Variants in STAB2 observed in about 807,000 individuals in gnomAD.
The protein encoded by STAB2 is stabilin-2.
STAB2 carries 288 observed loss-of-function variants against 338.1 expected under a neutral mutation model. The ratio of observed to expected loss-of-function variants is 0.85; its 90% CI spans 0.77 to 0.94. The LOEUF is 0.94. Ranked by LOEUF, STAB2 falls within the 40% of genes least tolerant of loss-of-function variation. The probability of loss-of-function intolerance (pLI) is 0.00; values close to 1 mark genes in which losing one functional copy is unlikely to be tolerated. For missense variants in STAB2, 3,141 were observed against 3,210.1 expected, an observed-to-expected ratio of 0.98 and a Z score of 0.52; for synonymous variants, 1,202 against 1,193.3, an observed-to-expected ratio of 1.01 and a Z score of -0.15.
At chr12:103,727,423 C>T in intron 47 of STAB2, 73 bp downstream of exon 47, 1 of 1,516,862 alleles carries the variant, frequency 6.6e-7, no homozygotes, top group Non-Finnish European at 9.2e-7. Flanking sequence ...GCCCTGGAAC[C>T]AAGACTGGAG....
chr12:103,662,630 G>C (rs545664205), intron 17 of STAB2, among the ~76,000 whole-genome samples: 1 of 152,082 alleles, frequency 6.6e-6, no homozygotes, highest in Admixed American at 6.5e-5. Flanking sequence ...TTTCTACAAG[G>C]GCATCCTTGC....
At chr12:103,627,932 C>T (rs1473830109) in intron 5 of STAB2, among the ~76,000 whole-genome samples, 4 of 152,296 alleles carry the variant, frequency 2.6e-5, no homozygotes, top group Admixed American at 1.3e-4. Flanking sequence ...CAATTACTGA[C>T]ATGTTGTATA....
At chr12:103,633,707 T>G (rs1215934479) in intron 6 of STAB2, among the ~76,000 whole-genome samples, 1 of 152,118 alleles carries the variant, frequency 6.6e-6, no homozygotes. Context: ...AAACCAGCAA[T>G]AAACATGAAA....
At chr12:103,705,373 T>C (rs531052672) in intron 36 of STAB2, among the ~76,000 whole-genome samples, 120 of 152,356 alleles carry the variant, frequency 7.9e-4, no homozygotes, top group African/African-American at 2.8e-3. Flanking sequence ...CAAACTTAAG[T>C]TGATATTCTA....
intron 8 of STAB2, among the ~76,000 whole-genome samples, chr12:103,639,860 A>G (rs1465042192): frequency 1.3e-5 from 2 of 152,160 alleles, no homozygotes; most frequent in African/African-American, 2.4e-5. Context: ...ACTGGGACTT[A>G]TGGAGCTAGG....
intron 57 of STAB2, among the ~76,000 whole-genome samples, chr12:103,745,709 C>A (rs1882974931): frequency 6.6e-6 from 1 of 152,194 alleles, no homozygotes; most frequent in African/African-American, 2.4e-5. Flanking sequence ...ACCACACTCT[C>A]TGAGCCTTGA....
chr12:103,725,985 T>C, intron 45 of STAB2, 131 bp from the exon 46 acceptor site: 1 of 812,784 alleles, frequency 1.2e-6, no homozygotes, highest in Non-Finnish European at 2.0e-6. Context: ...AGCCTACAGA[T>C]GAAGCTCCAA....
chr12:103,746,072 G>A (rs1883007356), intron 57 of STAB2, among the ~76,000 whole-genome samples: 1 of 152,106 alleles, frequency 6.6e-6, no homozygotes, highest in African/African-American at 2.4e-5. Context: ...GCAGCAGTAT[G>A]GCTAACTTGA....
At chr12:103,614,912 G>A (rs17579643) in intron 3 of STAB2, among the ~76,000 whole-genome samples, 3,764 of 152,294 alleles carry the variant, frequency 0.025, 66 homozygotes, top group Middle Eastern at 0.048. Context: ...TTACACCAGG[G>A]AATCCCTATT....
At chr12:103,723,613 T>A (rs17034419) in intron 44 of STAB2, among the ~76,000 whole-genome samples, 4,956 of 152,036 alleles carry the variant, frequency 0.033, 145 homozygotes, top group Admixed American at 0.085. Context: ...TTGAAGGGAG[T>A]CCAGATAGCA....
intron 3 of STAB2, among the ~76,000 whole-genome samples, chr12:103,606,539 A>C (rs1957030405): frequency 6.6e-6 from 1 of 152,094 alleles, no homozygotes; most frequent in Non-Finnish European, 1.5e-5. Flanking sequence ...ATATCTAGTG[A>C]TTAATTCTTC....
chr12:103,701,850 A>C (rs575978917), intron 34 of STAB2, among the ~76,000 whole-genome samples: 4 of 152,236 alleles, frequency 2.6e-5, no homozygotes, highest in African/African-American at 9.6e-5. Context: ...AGTTTGAATT[A>C]AGCACTTAGT....
At chr12:103,696,649 G>A (rs1234902812) in intron 33 of STAB2, among the ~76,000 whole-genome samples, 1 of 152,152 alleles carries the variant, frequency 6.6e-6, no homozygotes, top group Non-Finnish European at 1.5e-5. Context: ...CTAGATGTTA[G>A]GAATCAGGGA....
chr12:103,646,545 A>G (rs573436564), intron 9 of STAB2, among the ~76,000 whole-genome samples: 144 of 152,300 alleles, frequency 9.5e-4, no homozygotes, highest in African/African-American at 3.3e-3. Flanking sequence ...AACCCATTTT[A>G]TAGAAGAGGA....
intron 39 of STAB2, 142 bp downstream of exon 39, chr12:103,708,678 G>A: frequency 1.3e-6 from 1 of 748,816 alleles, no homozygotes; most frequent in Non-Finnish European, 2.1e-6. Context: ...CAAAAAGTTT[G>A]TAAAATAAAG....
chr12:103,708,579 T>C, intron 39 of STAB2, 43 bp downstream of exon 39: 1 of 1,571,026 alleles, frequency 6.4e-7, no homozygotes, highest in Non-Finnish European at 8.7e-7. Context: ...CTCTAAGCTT[T>C]GCTTCTCAGC....
intron 42 of STAB2, among the ~76,000 whole-genome samples, 172 bp downstream of exon 42, chr12:103,713,940 T>C (rs60780997): frequency 1.3e-5 from 2 of 152,226 alleles, no homozygotes; most frequent in Non-Finnish European, 2.9e-5. Context: ...TATGAAGGCA[T>C]GTCATGTCCA....
chr12:103,762,497 C>T, intron 67 of STAB2, 95 bp downstream of exon 67: 1 of 1,583,242 alleles, frequency 6.3e-7, no homozygotes, highest in East Asian at 2.2e-5. Flanking sequence ...CGCCAGAGTC[C>T]TCACCCAGAA....
chr12:103,754,619 A>G (rs915815304), intron 61 of STAB2, among the ~76,000 whole-genome samples: 1 of 152,094 alleles, frequency 6.6e-6, no homozygotes, highest in Non-Finnish European at 1.5e-5. Context: ...CAATAATTAT[A>G]ATAACGATGA....
Sources: allele counts gnomAD v4.1 joint callset (sites outside exome capture counted in the v4.1 genomes callset), GRCh38; gene constraint gnomAD v4.1.1; transcripts MANE v1.5; gene names NCBI Gene and HGNC (gene_info 2026-07-23, HGNC 2026-07-21).